Variants in GLB1L3 observed in about 807,000 individuals in gnomAD.
GLB1L3 encodes the protein galactosidase beta 1 like 3.
A neutral mutation model predicts 89.5 loss-of-function variants in GLB1L3; 89 were observed. That is an observed-to-expected ratio of 0.99 (90% confidence interval 0.84 to 1.19). The LOEUF (loss-of-function observed/expected upper bound fraction) is 1.19. GLB1L3 is among the 50% of genes most tolerant of loss of function. The pLI, the probability that GLB1L3 is intolerant of heterozygous loss-of-function variation, is 0.00. For missense variants in GLB1L3, 812 were observed against 813.3 expected, an observed-to-expected ratio of 1.00 and a Z score of 0.02; for synonymous variants, 314 against 312.3, an observed-to-expected ratio of 1.01 and a Z score of -0.06.
At chr11:134,282,309 G>A (rs961411512) in intron 5 of GLB1L3, among the ~76,000 whole-genome samples, 189 bp downstream of exon 5, 5 of 152,160 alleles carry the variant, frequency 3.3e-5, no homozygotes, top group Admixed American at 6.5e-5. Flanking sequence ...GGCGGGGGGC[G>A]GGGTGCAGTT....
rs1290690285 is a variant in GLB1L3, at chr11:134,304,409, T to TA, written c.877-2709dup. ...TCTTTGATCATATCTTTAAATATGT[T>TA]AAAAAATTTTTTTATTTGGTTTATT... is the stretch of plus-strand genomic sequence containing the variant. On this transcript the variant is annotated intron_variant, in intron 9 of 19. Transcript: ENST00000431683. Among the ~76,000 whole-genome samples, 7 of 152,214 alleles carry TA rather than the reference T, an allele frequency of 4.6e-5. No individual in the cohort carries two copies. In the South Asian group the frequency reaches 6.2e-4, roughly 14 times the overall value.
rs1042628276 is a variant in GLB1L3, at chr11:134,276,643, G to A, written c.-98G>A. On this transcript the variant is annotated 5_prime_UTR_variant, in exon 1 of 20. Coordinates refer to ENST00000431683, the MANE Select transcript of GLB1L3 (RefSeq NM_001080407.3). ...CAGCGCGCAGACCTGAGCCTGCCCC[G>A]CGGAACCGGGGCTCGAGTCCCGGCC... The A allele has an allele frequency of 1.7e-6, 2 of 1,162,944 alleles. No individual in the cohort carries two copies. Among genetic ancestry groups the A allele is most frequent in the Non-Finnish European group, 1.1e-6 (1 of 897,990 alleles). The allele number at this position is 1,162,944 out of a possible 1,614,324, so 72.0% of individuals were successfully genotyped here.
At chr11:134,292,979 G>A (rs551297640) in intron 8 of GLB1L3, 166 bp from the exon 9 acceptor site, 7 of 659,158 alleles carry the variant, frequency 1.1e-5, no homozygotes, top group South Asian at 5.2e-5. Context: ...GGCGATGGCC[G>A]TGGCAGCCCT....
chr11:134,311,435 T>G, intron 13 of GLB1L3: 1 of 434,958 alleles, frequency 2.3e-6, no homozygotes, highest in Non-Finnish European at 4.2e-6. Context: ...ATGCTCTTGT[T>G]TGGACTGTGT....
At chr11:134,294,898 C>T (rs113988284) in intron 9 of GLB1L3, among the ~76,000 whole-genome samples, 1,652 of 152,282 alleles carry the variant, frequency 0.011, 19 homozygotes, top group African/African-American at 0.037. Context: ...AAAGGCCGTC[C>T]TGCTTTAGTG....
At chr11:134,290,438 T>C (rs1144229) in intron 7 of GLB1L3, among the ~76,000 whole-genome samples, 68,141 of 151,262 alleles carry the variant, frequency 0.45, 15,783 homozygotes, top group Non-Finnish European at 0.49. Flanking sequence ...CTGGGCGTGG[T>C]GGTGCACACC....
In GLB1L3 at chr11:134,288,686, G is replaced by A. The variant is rs903909295; in HGVS notation, c.637-112G>A. On this transcript the variant is annotated intron_variant, in intron 6 of 19. Transcript: ENST00000431683. Reference sequence around the variant, plus strand: ...GCAGAGCGTGCAGACCACAGGGGCCGTGGATCAGAGCCTGCCGCACCAGCT... The same window carrying A: ...GCAGAGCGTGCAGACCACAGGGGCCATGGATCAGAGCCTGCCGCACCAGCT... 141 of 684,198 alleles carry A rather than the reference G, an allele frequency of 2.1e-4. 1 individual carries two copies. The highest frequency in any genetic ancestry group is 4.0e-4 in the Middle Eastern group (1 of 2,508). The allele number at this position is 684,198 out of a possible 1,614,324, so 42.4% of individuals were successfully genotyped here.
chr11:134,295,460 G>A (rs772127704), intron 9 of GLB1L3, among the ~76,000 whole-genome samples: 1 of 152,108 alleles, frequency 6.6e-6, no homozygotes, highest in Non-Finnish European at 1.5e-5. Context: ...TTGTCATAGC[G>A]ATGGCTCCTC....
chr11:134,314,460 T>C lies in GLB1L3; in HGVS notation c.1779+19T>C. 1 of 1,454,010 alleles carries C rather than the reference T, an allele frequency of 6.9e-7. No individual in the cohort carries two copies. The highest frequency in any genetic ancestry group is 9.5e-7 in the Non-Finnish European group (1 of 1,057,816). 90.1% of individuals were successfully genotyped at this position (1,454,010 alleles called of 1,614,324 possible). The stretch of plus-strand genomic sequence containing the variant: ...CCTGCTGGTAGGTGATGCCCTCTGC[T>C]GCCCTGGTGTTCCAAACACCAATTT... On this transcript the variant is annotated intron_variant, in intron 18 of 19. Coordinates refer to ENST00000431683, the MANE Select transcript of GLB1L3 (RefSeq NM_001080407.3).
chr11:134,278,002 G>C, intron 3 of GLB1L3, 90 bp downstream of exon 3: 1 of 1,259,988 alleles, frequency 7.9e-7, no homozygotes, highest in Non-Finnish European at 1.1e-6. Context: ...GGGGCCCAGC[G>C]TGAGGACTTA....
At chr11:134,276,835 G>T in intron 1 of GLB1L3, 72 bp downstream of exon 1, 1 of 1,258,442 alleles carries the variant, frequency 7.9e-7, no homozygotes, top group Non-Finnish European at 1.0e-6. Context: ...CACCCTCCCC[G>T]GGTTCTGTGG....
chr11:134,313,370 C>G (rs1318255621), intron 15 of GLB1L3, 26 bp from the exon 16 acceptor site: 2 of 1,553,870 alleles, frequency 1.3e-6, no homozygotes, highest in East Asian at 4.8e-5. Flanking sequence ...GCTGCGTGGT[C>G]TCCATGACCT....
chr11:134,290,586 AAAG>A (rs1229285154), intron 7 of GLB1L3, among the ~76,000 whole-genome samples: 1 of 138,124 alleles, frequency 7.2e-6, no homozygotes, highest in Non-Finnish European at 1.6e-5. Context: ...CGCCAAAAAA[AAAG>A]AAAAGAAAAA....
chr11:134,286,592 C>T (rs957356955), intron 6 of GLB1L3, among the ~76,000 whole-genome samples: 11 of 151,650 alleles, frequency 7.3e-5, no homozygotes, highest in Admixed American at 1.3e-4. Flanking sequence ...TTGGCTAACA[C>T]GGTGAAACCC....
chr11:134,323,043 A>G (rs529977153), downstream of GLB1L3, among the ~76,000 whole-genome samples: 1 of 152,290 alleles, frequency 6.6e-6, no homozygotes, highest in South Asian at 2.1e-4. Flanking sequence ...ACAAGGTATT[A>G]GGTTTCTAAG....
intron 18 of GLB1L3, 61 bp from the exon 19 acceptor site, chr11:134,318,570 C>A (rs1943077872): frequency 1.0e-6 from 1 of 1,001,940 alleles, no homozygotes; most frequent in African/African-American, 1.6e-5. Flanking sequence ...CTCCAAGTGC[C>A]TTAGGTTTTA....
At chr11:134,320,357 A>T (rs1943149974), downstream of GLB1L3, among the ~76,000 whole-genome samples, 1 of 152,194 alleles carries the variant, frequency 6.6e-6, no homozygotes, top group African/African-American at 2.4e-5. Flanking sequence ...ATAAAACTTT[A>T]TTCTCTGGGG....
chr11:134,307,029 A>C (rs1255344212), intron 9 of GLB1L3, 95 bp from the exon 10 acceptor site: 1 of 794,338 alleles, frequency 1.3e-6, no homozygotes, highest in African/African-American at 1.7e-5. Context: ...GGAGAAACGC[A>C]TGAGTTCCTT....
rs201500707 is a variant in GLB1L3, at chr11:134,310,635, C to G, written c.1164C>G (p.Leu388=). ...YTEKYLKLQK[L]FQSVSATPLP... ...AAAAATATCTGAAGCTTCAAAAACT[C>G]TTTCAATCTGTCTCAGGTACTCAGC... is the stretch of plus-strand genomic sequence containing the variant. Residue 388 remains leucine (L), a synonymous_variant, in exon 12 of 20, where the codon CTC becomes CTG. Transcript: ENST00000431683. 1 of 1,612,836 alleles carries G rather than the reference C, an allele frequency of 6.2e-7. No individual in the cohort carries two copies. The highest frequency in any genetic ancestry group is 1.3e-5 in the African/African-American group (1 of 74,900).
Sources: gnomAD v4.1 joint callset for allele counts (sites outside exome capture counted in the v4.1 genomes callset) on GRCh38, gnomAD v4.1.1 for gene constraint, MANE v1.5 for transcripts, NCBI Gene and HGNC (gene_info 2026-07-23, HGNC 2026-07-21) for gene names.